Variants in MECOM observed in about 807,000 individuals in gnomAD.
MECOM encodes histone-lysine N-methyltransferase MECOM.
A neutral mutation model predicts 116.3 loss-of-function variants in MECOM; 13 were observed. That is an observed-to-expected ratio of 0.11 (90% CI 0.07 to 0.18). MECOM has a LOEUF of 0.18. Ranked by LOEUF, MECOM falls within the 10% of genes least tolerant of loss-of-function variation. The probability of loss-of-function intolerance (pLI) is 1.00; values close to 1 mark genes in which losing one functional copy is unlikely to be tolerated. For synonymous variants in MECOM, 528 were observed against 535.2 expected (o/e 0.99, Z 0.19); for missense variants, 1,299 against 1,509.0 (o/e 0.86, Z 2.31).
chr3:169,340,130 TTA>T (rs1362213523), intron 2 of MECOM, among the ~76,000 whole-genome samples: 8 of 152,328 alleles, frequency 5.3e-5, no homozygotes, highest in Admixed American at 2.0e-4. Context: ...AGTAATACTT[TTA>T]TCACCACGAT....
intron 2 of MECOM, among the ~76,000 whole-genome samples, chr3:169,273,301 G>A (rs1328275246): frequency 3.9e-5 from 6 of 152,154 alleles, no homozygotes; most frequent in African/African-American, 9.7e-5. Flanking sequence ...CACAGAGATA[G>A]ATTAAAAAGG....
chr3:169,654,368 G>T (rs7644900), intron 1 of MECOM, among the ~76,000 whole-genome samples: 30,258 of 152,122 alleles, frequency 0.2, 6,114 homozygotes, highest in African/African-American at 0.52. Context: ...AAGCCACTCT[G>T]CTCAAATAAG....
intron 1 of MECOM, among the ~76,000 whole-genome samples, chr3:169,557,429 C>A (rs1456264814): frequency 2.0e-5 from 3 of 152,180 alleles, no homozygotes; most frequent in Admixed American, 6.5e-5. Flanking sequence ...ATTAAGTATT[C>A]ACACAAAGCA....
Position 169,097,187 on chromosome 3 carries a change from G to A in MECOM, c.2850-1942C>T, listed in dbSNP as rs1188010308. Among the ~76,000 whole-genome samples the A allele has an allele frequency of 6.6e-5, 10 of 152,004 alleles. No homozygotes were observed. In the South Asian group the frequency reaches 1.7e-3, roughly 25 times the overall value. ...CTTTCTACACAAATCATGAGGAAGA[G>A]AGATTATGTTTCTGCCATGCTTCTA... On this transcript the variant is annotated intron_variant, in intron 12 of 16. Transcript: ENST00000651503.
intron 14 of MECOM, among the ~76,000 whole-genome samples, chr3:169,091,176 A>AT (rs1719594295): frequency 6.6e-6 from 1 of 152,112 alleles, no homozygotes; most frequent in Non-Finnish European, 1.5e-5. Context: ...GTGGATTAAA[A>AT]TTTTTATTTA....
At chr3:169,117,542 G>A (rs1297046851) in intron 7 of MECOM, among the ~76,000 whole-genome samples, 2 of 152,042 alleles carry the variant, frequency 1.3e-5, no homozygotes, top group Non-Finnish European at 2.9e-5. Context: ...TGAAAACCCC[G>A]TCCTTGGGAA....
At chr3:169,369,532 T>A (rs75636151) in intron 2 of MECOM, among the ~76,000 whole-genome samples, 1 of 151,594 alleles carries the variant, frequency 6.6e-6, no homozygotes, top group African/African-American at 2.4e-5. Context: ...TTATTTTTTG[T>A]AAAAATGGGG....
chr3:169,637,092 C>T (rs1560520221), intron 1 of MECOM, among the ~76,000 whole-genome samples: 1 of 152,156 alleles, frequency 6.6e-6, no homozygotes, highest in Non-Finnish European at 1.5e-5. Flanking sequence ...AGCCTTGCAG[C>T]TTAGAATGCT....
Position 169,334,049 on chromosome 3 carries a change from AAAAT to A in MECOM, c.375+47134_375+47137del, listed in dbSNP as rs1442533624. ...TCTTTTAATAACACTTTCTTAAAAA[AAAAT>A]AAATAAAAAACTTTCTAGAATGGAA... On this transcript the variant is annotated intron_variant, in intron 2 of 16. Coordinates refer to ENST00000651503, the MANE Select transcript of MECOM (RefSeq NM_004991.4). 3.3e-5 allele frequency among the ~76,000 whole-genome samples: 5 copies of A among 152,262 alleles called. No individual in the cohort carries two copies. The East Asian group carries it at 5.8e-4, about 18-fold the overall frequency.
intron 1 of MECOM, among the ~76,000 whole-genome samples, chr3:169,661,069 GAT>G (rs1200824035): frequency 6.6e-6 from 1 of 152,202 alleles, no homozygotes; most frequent in Admixed American, 6.5e-5. Context: ...TCAGTTTCTG[GAT>G]GCTGAGTGGA....
At chr3:169,461,095 T>TCAAG (rs915091700) in intron 1 of MECOM, among the ~76,000 whole-genome samples, 44 of 152,234 alleles carry the variant, frequency 2.9e-4, no homozygotes, top group African/African-American at 9.9e-4. Flanking sequence ...AGCAGTTGTA[T>TCAAG]CAAGGATCTT....
At chr3:169,092,050 T>C (rs771019802) in intron 14 of MECOM, among the ~76,000 whole-genome samples, 3 of 152,226 alleles carry the variant, frequency 2.0e-5, no homozygotes, top group East Asian at 1.9e-4. Context: ...AGCTTACAGA[T>C]AAGAAAAATT....
At chr3:169,149,547 C>G in intron 2 of MECOM, 1 of 296,800 alleles carries the variant, frequency 3.4e-6, no homozygotes, top group South Asian at 2.7e-5. Flanking sequence ...CCCAGGTGAA[C>G]CCGCCTCTGC....
At chr3:169,496,367 C>A (rs896860639) in intron 1 of MECOM, among the ~76,000 whole-genome samples, 2 of 152,188 alleles carry the variant, frequency 1.3e-5, no homozygotes, top group Non-Finnish European at 1.5e-5. Context: ...TGTTTTAAAA[C>A]CCTTGTGGTG....
chr3:169,302,492 G>C (rs565448814), intron 2 of MECOM, among the ~76,000 whole-genome samples: 4 of 152,158 alleles, frequency 2.6e-5, no homozygotes, highest in Non-Finnish European at 5.9e-5. Flanking sequence ...ATTATCGCCT[G>C]GTTAATATTG....
chr3:169,428,850 A>G (rs1313876508), intron 1 of MECOM, among the ~76,000 whole-genome samples: 1 of 152,196 alleles, frequency 6.6e-6, no homozygotes, highest in Admixed American at 6.5e-5. Context: ...TCACCCTGAC[A>G]TCACCTGGAA....
chr3:169,510,051 G>A (rs1471399670), intron 1 of MECOM, among the ~76,000 whole-genome samples: 2 of 152,240 alleles, frequency 1.3e-5, no homozygotes, highest in African/African-American at 4.8e-5. Context: ...CTTATAGGGT[G>A]GGGGCAATCT....
chr3:169,457,083 A>G (rs1377775653), intron 1 of MECOM, among the ~76,000 whole-genome samples: 1 of 152,040 alleles, frequency 6.6e-6, no homozygotes, highest in Non-Finnish European at 1.5e-5. Flanking sequence ...CTCCAACCTC[A>G]TCGTTCTCCA....
chr3:169,534,892 G>A (rs754347653), intron 1 of MECOM, among the ~76,000 whole-genome samples: 23 of 152,302 alleles, frequency 1.5e-4, no homozygotes, highest in African/African-American at 3.1e-4. Context: ...CTGCTACCTC[G>A]GAGTGTGACC....
Sources: allele counts gnomAD v4.1 joint callset (sites outside exome capture counted in the v4.1 genomes callset), GRCh38; gene constraint gnomAD v4.1.1; transcripts MANE v1.5; gene names NCBI Gene and HGNC (gene_info 2026-07-23, HGNC 2026-07-21).